GPR157: variants seen among roughly 807,000 people sequenced by gnomAD.
GPR157 encodes the protein G-protein coupled receptor 157.
A neutral mutation model predicts 23.5 loss-of-function variants in GPR157; 16 were observed. That is an observed-to-expected ratio of 0.68 (90% confidence interval 0.46 to 1.04). The LOEUF (loss-of-function observed/expected upper bound fraction) is 1.04, where lower values mean the gene tolerates loss of function less well. Among genes scored for constraint, GPR157 ranks in the 50% least tolerant of loss-of-function variants. The pLI is 0.00. For synonymous variants in GPR157, 200 were observed against 221.5 expected (o/e 0.90, Z 0.86); for missense variants, 440 against 460.7 (o/e 0.96, Z 0.41).
chr1:9,107,610 C>T (rs1449909156), intron 2 of GPR157, among the ~76,000 whole-genome samples: 3 of 151,650 alleles, frequency 2.0e-5, no homozygotes, highest in Admixed American at 6.6e-5. Context: ...CATGGTGAAA[C>T]CCCGACTCTA....
intron 1 of GPR157, among the ~76,000 whole-genome samples, chr1:9,114,452 G>A (rs1477750902): frequency 1.3e-5 from 2 of 152,132 alleles, no homozygotes; most frequent in Non-Finnish European, 2.9e-5. Flanking sequence ...GGAAGGAGGT[G>A]AGCACTGTAT....
intron 1 of GPR157, among the ~76,000 whole-genome samples, chr1:9,115,245 C>T (rs1638611713): frequency 6.6e-6 from 1 of 152,034 alleles, no homozygotes. Flanking sequence ...CACACACACA[C>T]ATATAAATGT....
In GPR157 at chr1:9,105,645, G is replaced by T. The variant is rs766152616; in HGVS notation, c.633C>A (p.Ser211=). The change falls in exon 3 of 4, where the codon TCC becomes TCA. Residue 211 remains serine, a synonymous_variant. Coordinates refer to ENST00000377411, the MANE Select transcript of GPR157 (RefSeq NM_024980.5). The surrounding 1 kb of genome is among the most constrained non-coding windows in gnomAD (Gnocchi z 4.8). ...TALSEYRPIL[S]QEHRLLRHSS... is the part of the protein sequence containing the mutation. ...AGTGGCGCAGCAGGCGGTGCTCCTG[G>T]GAGAGGATGGGCCGGTACTCAGAGA... The T allele has an allele frequency of 6.2e-7, 1 of 1,612,700 alleles. No individual in the cohort carries two copies. The highest frequency in any genetic ancestry group is 1.3e-5 in the African/African-American group (1 of 74,918).
chr1:9,121,204 C>T (rs1269616475), intron 1 of GPR157, among the ~76,000 whole-genome samples: 2 of 151,480 alleles, frequency 1.3e-5, no homozygotes, highest in African/African-American at 2.4e-5. Flanking sequence ...TGGTGGCGCA[C>T]GCCTGTGATC....
intron 1 of GPR157, among the ~76,000 whole-genome samples, chr1:9,113,761 T>C (rs1638565556): frequency 6.6e-6 from 1 of 151,150 alleles, no homozygotes; most frequent in Non-Finnish European, 1.5e-5. Flanking sequence ...CTGGCCAACA[T>C]AGTGAAACCC....
intron 1 of GPR157, among the ~76,000 whole-genome samples, chr1:9,121,246 C>T (rs959442648): frequency 2.0e-5 from 3 of 146,598 alleles, no homozygotes; most frequent in South Asian, 2.2e-4. Context: ...GCAGGAGAAT[C>T]GCTTGAACCT....
At chr1:9,111,095 T>A (rs1354376145) in intron 2 of GPR157, 181 bp downstream of exon 2, 3 of 666,262 alleles carry the variant, frequency 4.5e-6, no homozygotes, top group Non-Finnish European at 2.7e-6. Flanking sequence ...GCACGATCCG[T>A]GTAACACAGC....
Position 9,111,542 on chromosome 1 carries a change from A to T in GPR157, c.384-53T>A, listed in dbSNP as rs751161353. 3.4e-6 allele frequency: 5 copies of T among 1,487,040 alleles called. No individual in the cohort carries two copies. The African/African-American group carries it at 4.1e-5, about 12-fold the overall frequency. The allele number at this position is 1,487,040 out of a possible 1,614,324, so 92.1% of individuals were successfully genotyped here. A position where few individuals can be genotyped will look rare whatever the true frequency, so the allele number is the denominator to read the frequency against. ...CGGGGTCAGGCCATGGCTCCCGGCA[A>T]TGTCAGCCTTCGCAAAAATGACGGA... On this transcript the variant is annotated intron_variant, in intron 1 of 3. Coordinates refer to ENST00000377411, the MANE Select transcript of GPR157 (RefSeq NM_024980.5).
At position 9,123,192 on chromosome 1, in the gene GPR157, T is replaced by TATATATATATATAA. The variant is rs1389305702; in HGVS notation, c.383+5452_383+5453insTTATATATATATAT. ...AAAAAAAAATATATATATATATATATAAATAAAATTTATATATATATTTAT... is the reference window on the plus strand; with the variant it reads ...AAAAAAAAATATATATATATATATATATATATATATATAAAAATAAAATTTATATATATATTTAT... On this transcript the variant is annotated intron_variant, in intron 1 of 3. Transcript: ENST00000377411. Among the ~76,000 whole-genome samples the TATATATATATATAA allele has an allele frequency of 2.4e-3, 311 of 127,196 alleles. 8 individuals are homozygous for TATATATATATATAA. Among genetic ancestry groups the TATATATATATATAA allele is most frequent in the African/African-American group, 9.2e-3 (302 of 32,704 alleles). The allele number at this position is 127,196 out of a possible 152,430, so 83.4% of individuals were successfully genotyped here.
rs761536946 is a variant in GPR157 at position 9,128,806 on chromosome 1, G to T, written c.222C>A (p.Gly74=). The T allele has an allele frequency of 1.2e-6, 2 of 1,610,562 alleles. No individual in the cohort carries two copies. Among genetic ancestry groups the T allele is most frequent in the Non-Finnish European group, 1.7e-6 (2 of 1,178,468 alleles). Residue 74 remains glycine (G), a synonymous_variant, in exon 1 of 4, where the codon GGC becomes GGA. Coordinates refer to ENST00000377411, the MANE Select transcript of GPR157 (RefSeq NM_024980.5). The surrounding 1 kb of genome is among the most constrained non-coding windows in gnomAD (Gnocchi z 6.3). ...CCTGCAGCACGCAGTCCCACGACGGGCCCGCGAAGTTCTGCAGCACTCCGT... is the reference window on the plus strand; with the variant it reads ...CCTGCAGCACGCAGTCCCACGACGGTCCCGCGAAGTTCTGCAGCACTCCGT... The part of the protein sequence containing the change: ...YFYGVLQNFA[G]PSWDCVLQGA...
rs753927366 is a variant in GPR157, at chr1:9,128,737, G to A, written c.291C>T (p.Thr97=). 6.2e-7 allele frequency: 1 copy of A among 1,613,244 alleles called. No homozygotes were observed. ...GGTACAAGTAGAGCGCAATGGCCAC[G>A]GTCCAGAAGAAGGAGCTGGTGTTGG... ...TFANTSSFFW[T]VAIALYLYLS... is the part of the protein sequence containing the mutation. Residue 97 remains threonine (T), a synonymous_variant, in exon 1 of 4, where the codon ACC becomes ACT. Coordinates refer to ENST00000377411, the MANE Select transcript of GPR157 (RefSeq NM_024980.5). The surrounding 1 kb of genome is among the most constrained non-coding windows in gnomAD (Gnocchi z 6.3).
chr1:9,114,994 G>A (rs1165539853), intron 1 of GPR157, among the ~76,000 whole-genome samples: 1 of 151,134 alleles, frequency 6.6e-6, no homozygotes, highest in Non-Finnish European at 1.5e-5. Flanking sequence ...TGAACACACA[G>A]AAGGAGCAGC....
Position 9,128,993 on chromosome 1 carries a change from G to A in GPR157, c.35C>T (p.Pro12Leu). The A allele has an allele frequency of 2.2e-6, 3 of 1,343,320 alleles. No homozygotes were observed. Among genetic ancestry groups the A allele is most frequent in the Admixed American group, 3.8e-5 (1 of 26,524 alleles). The allele number at this position is 1,343,320 out of a possible 1,614,324, so 83.2% of individuals were successfully genotyped here. A position where few individuals can be genotyped will look rare whatever the true frequency, so the allele number is the denominator to read the frequency against. The change falls in exon 1 of 4, where the codon CCG becomes CTG. Residue 12 changes from proline to leucine, a missense_variant. Physicochemically the swap from Pro to Leu is moderately conservative, Grantham distance 98. Transcript: ENST00000377411. The surrounding 1 kb of genome is among the most constrained non-coding windows in gnomAD (Gnocchi z 6.3). ...CAGCAGCACCACGGCGCGCTCCGAC[G>A]GCACCAGCTCGGTGGGCGGCGGGGA... ...QPSPPPTELVPSERAVVLLSC... is the reference protein window; with the variant it reads ...QPSPPPTELVLSERAVVLLSC...
At chr1:9,115,201 T>C (rs1362568811) in intron 1 of GPR157, among the ~76,000 whole-genome samples, 7 of 152,060 alleles carry the variant, frequency 4.6e-5, no homozygotes, top group East Asian at 3.9e-4. Context: ...CAGAAAAACA[T>C]AGACGTGTGC....
chr1:9,123,318 A>AATTT (rs1638858958), intron 1 of GPR157, among the ~76,000 whole-genome samples: 6 of 23,834 alleles, frequency 2.5e-4, no homozygotes, highest in African/African-American at 1.1e-3. Context: ...AATATATATT[A>AATTT]AAATATATAT....
At chr1:9,122,216 C>T (rs768935340) in intron 1 of GPR157, among the ~76,000 whole-genome samples, 33 of 152,314 alleles carry the variant, frequency 2.2e-4, no homozygotes, top group South Asian at 8.3e-4. Context: ...CACACAGCCA[C>T]TCAGGCACAC....
At chr1:9,113,992 C>CAA (rs1193864703) in intron 1 of GPR157, among the ~76,000 whole-genome samples, 1 of 148,790 alleles carries the variant, frequency 6.7e-6, no homozygotes, top group African/African-American at 2.5e-5. Flanking sequence ...CACACACACA[C>CAA]ACACACACCA....
At position 9,105,683 on chromosome 1, in the gene GPR157, G is replaced by C. The variant is rs747547754; in HGVS notation, c.598-3C>G. ...CGGTACTCAGAGAGTGCCGTGTGCT[G>C]TGTGGGGACAGCGAGGGCAGACTTG... On this transcript the variant is annotated splice_polypyrimidine_tract_variant and splice_region_variant and intron_variant, in intron 2 of 3. Coordinates refer to ENST00000377411, the MANE Select transcript of GPR157 (RefSeq NM_024980.5). The surrounding 1 kb of genome is among the most constrained non-coding windows in gnomAD (Gnocchi z 4.8). The C allele has an allele frequency of 6.2e-7, 1 of 1,600,676 alleles. No individual in the cohort carries two copies. Among genetic ancestry groups the C allele is most frequent in the Non-Finnish European group, 8.5e-7 (1 of 1,172,000 alleles).
Position 9,120,691 on chromosome 1 carries a change from G to A in GPR157, c.383+7954C>T, listed in dbSNP as rs1456768196. Among the ~76,000 whole-genome samples, 1 of 152,156 alleles carries A rather than the reference G, an allele frequency of 6.6e-6. No individual in the cohort carries two copies. On this transcript the variant is annotated intron_variant, in intron 1 of 3. Coordinates refer to ENST00000377411, the MANE Select transcript of GPR157 (RefSeq NM_024980.5). The surrounding 1 kb of genome is among the most constrained non-coding windows in gnomAD (Gnocchi z 4.1). ...AGAGGAATGTCTAAAGGAACTCGCA[G>A]ATGCACACTCATGCCCTAGTGCCAC...
Sources: gnomAD v4.1 joint callset for allele counts (sites outside exome capture counted in the v4.1 genomes callset) on GRCh38, gnomAD v4.1.1 for gene constraint, Gnocchi (gnomAD v3.1) non-coding constraint, MANE v1.5 for transcripts, NCBI Gene and HGNC (gene_info 2026-07-23, HGNC 2026-07-21) for gene names.